Variants in JAKMIP1 observed in about 807,000 individuals in gnomAD.
JAKMIP1 encodes janus kinase and microtubule interacting protein 1, also known as janus kinase and microtubule-interacting protein 1.
JAKMIP1 carries 33 observed loss-of-function variants against 113.0 expected under a neutral mutation model. The ratio of observed to expected loss-of-function variants is 0.29; its 90% CI spans 0.22 to 0.39. The LOEUF (loss-of-function observed/expected upper bound fraction) is 0.39. Among genes scored for constraint, JAKMIP1 ranks in the 10% least tolerant of loss-of-function variants. JAKMIP1 has a pLI of 1.00. For missense variants in JAKMIP1, 813 were observed against 1,080.5 expected, an observed-to-expected ratio of 0.75 and a Z score of 3.47; for synonymous variants, 480 against 459.9, an observed-to-expected ratio of 1.04 and a Z score of -0.56.
intron 1 of JAKMIP1, among the ~76,000 whole-genome samples, chr4:6,170,291 ACT>A (rs1724297327): frequency 7.0e-6 from 1 of 142,596 alleles, no homozygotes. Flanking sequence ...CACCACCATC[ACT>A]GTCAACACCA....
In JAKMIP1 at chr4:6,077,909, T is replaced by C. The variant is rs1343421046; in HGVS notation, c.1302+1030A>G. 3.9e-5 allele frequency among the ~76,000 whole-genome samples: 6 copies of C among 152,156 alleles called. No individual in the cohort carries two copies. In the East Asian group the frequency reaches 7.7e-4, roughly 20 times the overall value. ...ATCTGATGCCATCGGTCCACCTTCT[T>C]ATAGCAACCAGGATTCAGGGCCCAG... On this transcript the variant is annotated intron_variant, in intron 8 of 20. Transcript: ENST00000409021.
At position 6,089,022 on chromosome 4, in the gene JAKMIP1, C is replaced by G. The variant is rs975063455; in HGVS notation, c.625-3393G>C. On this transcript the variant is annotated intron_variant, in intron 3 of 20. Coordinates refer to ENST00000409021, the MANE Select transcript of JAKMIP1 (RefSeq NM_001099433.2). The surrounding 1 kb of genome is among the most constrained non-coding windows in gnomAD (Gnocchi z 5.3). Reference sequence around the variant, plus strand: ...GGATGGATGCACAATCCAATCAGAACCAATGGCCAGAAGTAGGCAGCACCA... The same window carrying G: ...GGATGGATGCACAATCCAATCAGAAGCAATGGCCAGAAGTAGGCAGCACCA... Among the ~76,000 whole-genome samples the G allele has an allele frequency of 6.6e-5, 10 of 152,186 alleles. No individual in the cohort carries two copies. Among genetic ancestry groups the G allele is most frequent in the African/African-American group, 2.4e-4 (10 of 41,432 alleles).
intron 3 of JAKMIP1, among the ~76,000 whole-genome samples, chr4:6,092,211 G>A (rs918754888): frequency 6.6e-6 from 1 of 152,146 alleles, no homozygotes; most frequent in African/African-American, 2.4e-5. Flanking sequence ...TCCAGGTGTG[G>A]TGGAATCCCG....
rs550441587 is a variant in JAKMIP1 at position 6,078,117 on chromosome 4, C to T, written c.1302+822G>A. On this transcript the variant is annotated intron_variant, in intron 8 of 20. Coordinates refer to ENST00000409021, the MANE Select transcript of JAKMIP1 (RefSeq NM_001099433.2). ...TGTGTTCAATAAAAAGGAGAGAAGA[C>T]CAGCCTAGCCAAAATGGTGAAACCC... Among the ~76,000 whole-genome samples the T allele has an allele frequency of 1.3e-3, 192 of 152,244 alleles. 2 individuals carry two copies. The highest frequency in any genetic ancestry group is 4.3e-3 in the African/African-American group (180 of 41,548).
intron 1 of JAKMIP1, among the ~76,000 whole-genome samples, chr4:6,161,218 C>G (rs1299953479): frequency 7.0e-6 from 1 of 143,252 alleles, no homozygotes; most frequent in Non-Finnish European, 1.5e-5. Flanking sequence ...GATCTCCACT[C>G]ATCTCCCTGA....
rs749782126 is a variant in JAKMIP1 at position 6,178,865 on chromosome 4, G to A, written c.-148+21388C>T. On this transcript the variant is annotated intron_variant, in intron 1 of 20. Coordinates refer to ENST00000409021, the MANE Select transcript of JAKMIP1 (RefSeq NM_001099433.2). This position sits in a 1 kb window ranked among gnomAD's most constrained non-coding sequence, Gnocchi z 5.5. The stretch of plus-strand genomic sequence containing the variant: ...TCAGAGCACCTCGTACTTGATTAAG[G>A]TCCCTCCCTCTTCACATGGGATTGT... 2.0e-5 allele frequency among the ~76,000 whole-genome samples: 3 copies of A among 152,048 alleles called. No homozygotes were observed. The highest frequency in any genetic ancestry group is 2.1e-4 in the South Asian group (1 of 4,822).
intron 8 of JAKMIP1, among the ~76,000 whole-genome samples, chr4:6,071,247 G>A (rs1313036182): frequency 6.6e-6 from 1 of 151,526 alleles, no homozygotes; most frequent in African/African-American, 2.4e-5. Context: ...TGAGACAGCT[G>A]GGCCTGACCC....
In JAKMIP1 at chr4:6,168,010, C is replaced by A. The variant is rs879500016; in HGVS notation, c.-148+32243G>T. ...CACCCGGTGTTCAACAGGGAAGACA[C>A]ACAAATGGCCAAGGAGCACCTGAAG... is the stretch of plus-strand genomic sequence containing the variant. On this transcript the variant is annotated intron_variant, in intron 1 of 20. Coordinates refer to ENST00000409021, the MANE Select transcript of JAKMIP1 (RefSeq NM_001099433.2). The surrounding 1 kb of genome is among the most constrained non-coding windows in gnomAD (Gnocchi z 4.6). Among the ~76,000 whole-genome samples the A allele has an allele frequency of 2.0e-5, 3 of 152,172 alleles. No individual in the cohort carries two copies. The highest frequency in any genetic ancestry group is 2.9e-5 in the Non-Finnish European group (2 of 68,036).
rs982083169 is a variant in JAKMIP1 at position 6,154,192 on chromosome 4, C to G, written c.-147-41195G>C. 7.9e-5 allele frequency among the ~76,000 whole-genome samples: 12 copies of G among 152,224 alleles called. No homozygotes were observed. The highest frequency in any genetic ancestry group is 2.7e-4 in the African/African-American group (11 of 41,456). On this transcript the variant is annotated intron_variant, in intron 1 of 20. Transcript: ENST00000409021. The surrounding 1 kb of genome is among the most constrained non-coding windows in gnomAD (Gnocchi z 4.2). ...TCGCAGGAGGGAAGACAGAGCGGAGCTGGACACAGGCGGAGGCTGAAGAAA... is the reference window on the plus strand; with the variant it reads ...TCGCAGGAGGGAAGACAGAGCGGAGGTGGACACAGGCGGAGGCTGAAGAAA...
intron 1 of JAKMIP1, among the ~76,000 whole-genome samples, chr4:6,198,547 TG>T (rs976400480): frequency 6.6e-6 from 1 of 152,158 alleles, no homozygotes; most frequent in African/African-American, 2.4e-5. Flanking sequence ...TGTGAGCCTT[TG>T]GGAGCTGCTT....
Position 6,129,369 on chromosome 4 carries a change from G to A in JAKMIP1, c.-147-16372C>T, listed in dbSNP as rs886257526. 1.3e-5 allele frequency among the ~76,000 whole-genome samples: 2 copies of A among 152,206 alleles called. No individual in the cohort carries two copies. Among genetic ancestry groups the A allele is most frequent in the Non-Finnish European group, 2.9e-5 (2 of 68,038 alleles). ...AATGTGGCCTTTGGCTAAATGGTAAGGTACTGACCATTAAGGGTCCTTGGC... is the reference window on the plus strand; with the variant it reads ...AATGTGGCCTTTGGCTAAATGGTAAAGTACTGACCATTAAGGGTCCTTGGC... On this transcript the variant is annotated intron_variant, in intron 1 of 20. Transcript: ENST00000409021. This position sits in a 1 kb window ranked among gnomAD's most constrained non-coding sequence, Gnocchi z 5.4.
intron 1 of JAKMIP1, among the ~76,000 whole-genome samples, chr4:6,144,441 G>A (rs1048209535): frequency 6.6e-6 from 1 of 152,146 alleles, no homozygotes; most frequent in South Asian, 2.1e-4. Flanking sequence ...GAAAACTACA[G>A]ACTAACATCC....
At chr4:6,101,811 C>G (rs546582673) in intron 3 of JAKMIP1, among the ~76,000 whole-genome samples, 1 of 148,660 alleles carries the variant, frequency 6.7e-6, no homozygotes, top group East Asian at 2.0e-4. Flanking sequence ...GAGGCTGAGG[C>G]AGGAGAATTG....
intron 3 of JAKMIP1, among the ~76,000 whole-genome samples, chr4:6,090,442 A>C (rs1721890183): frequency 6.6e-6 from 1 of 152,144 alleles, no homozygotes; most frequent in Admixed American, 6.5e-5. Context: ...GGACTCCAGA[A>C]CCGTAGAGAA....
rs943489883 is a variant in JAKMIP1 at position 6,162,877 on chromosome 4, C to A, written c.-148+37376G>T. On this transcript the variant is annotated intron_variant, in intron 1 of 20. Coordinates refer to ENST00000409021, the MANE Select transcript of JAKMIP1 (RefSeq NM_001099433.2). This position sits in a 1 kb window ranked among gnomAD's most constrained non-coding sequence, Gnocchi z 5.6. Reference sequence around the variant, plus strand: ...ACTCACTGCCACTCCCTCCCATCACCAAAGAAAGCACATCTGTACTAGCCT... The same window carrying A: ...ACTCACTGCCACTCCCTCCCATCACAAAAGAAAGCACATCTGTACTAGCCT... Among the ~76,000 whole-genome samples, 7 of 152,144 alleles carry A rather than the reference C, an allele frequency of 4.6e-5. No homozygotes were observed. Among genetic ancestry groups the A allele is most frequent in the Non-Finnish European group, 8.8e-5 (6 of 68,024 alleles).
At position 6,194,055 on chromosome 4, in the gene JAKMIP1, C is replaced by G. The variant is rs745671819; in HGVS notation, c.-148+6198G>C. ...CTAAGTGGAAGAAGCCAGCCACATA[C>G]GATCTGGTTCTACATCTGTGAAATA... On this transcript the variant is annotated intron_variant, in intron 1 of 20. Coordinates refer to ENST00000409021, the MANE Select transcript of JAKMIP1 (RefSeq NM_001099433.2). This position sits in a 1 kb window ranked among gnomAD's most constrained non-coding sequence, Gnocchi z 7.4. Among the ~76,000 whole-genome samples, 1 of 152,064 alleles carries G rather than the reference C, an allele frequency of 6.6e-6. No individual in the cohort carries two copies. The highest frequency in any genetic ancestry group is 1.5e-5 in the Non-Finnish European group (1 of 68,034).
chr4:6,085,542 G>A lies in JAKMIP1; in HGVS notation c.712C>T (p.Leu238=), dbSNP rs763458189. Residue 238 remains leucine (L), a synonymous_variant, in exon 4 of 21, where the codon CTG becomes TTG. Transcript: ENST00000409021. ...VQAGQTQKLL[L]QKEALDEQLV... ...TGCTCATCCAAAGCCTCTTTCTGCA[G>A]AAGCAGCTTCTGGGTCTGCCCAGCC... 4 of 1,614,120 alleles carry A rather than the reference G, an allele frequency of 2.5e-6. No homozygotes were observed. The highest frequency in any genetic ancestry group is 2.5e-6 in the Non-Finnish European group (3 of 1,180,058).
chr4:6,132,349 C>T (rs1321370663), intron 1 of JAKMIP1, among the ~76,000 whole-genome samples: 2 of 152,116 alleles, frequency 1.3e-5, no homozygotes, highest in African/African-American at 4.8e-5. Context: ...GTTATTAAAA[C>T]CACAGAAGGC....
At chr4:6,165,831 A>G (rs1013088803) in intron 1 of JAKMIP1, among the ~76,000 whole-genome samples, 2 of 152,112 alleles carry the variant, frequency 1.3e-5, no homozygotes, top group African/African-American at 4.8e-5. Context: ...AAAACAACAG[A>G]TTTGTATTCT....
Sources: allele counts gnomAD v4.1 joint callset (sites outside exome capture counted in the v4.1 genomes callset), GRCh38; gene constraint gnomAD v4.1.1; non-coding constraint Gnocchi (gnomAD v3.1); transcripts MANE v1.5; gene names NCBI Gene and HGNC (gene_info 2026-07-23, HGNC 2026-07-21).